Variants in CKAP5 observed in about 807,000 individuals in gnomAD.
The protein encoded by CKAP5 is cytoskeleton-associated protein 5.
In CKAP5, 27 loss-of-function variants were observed where a neutral mutation model predicts 232.8. That is an observed-to-expected ratio of 0.12 (90% CI 0.09 to 0.16). The LOEUF (loss-of-function observed/expected upper bound fraction) is 0.16. Ranked by LOEUF, CKAP5 falls within the 10% of genes least tolerant of loss-of-function variation. The pLI, the probability that CKAP5 is intolerant of heterozygous loss-of-function variation, is 1.00. For missense variants in CKAP5, 1,838 were observed against 2,424.7 expected (o/e 0.76, Z 5.08); for synonymous variants, 785 against 841.1 (o/e 0.93, Z 1.16).
chr11:46,762,881 A>T, intron 30 of CKAP5, 95 bp downstream of exon 30: 1 of 1,441,832 alleles, frequency 6.9e-7, no homozygotes. Context: ...AGGTACCGTG[A>T]TATAATCAGT....
At chr11:46,800,667 A>T (rs1346529411) in intron 9 of CKAP5, among the ~76,000 whole-genome samples, 1 of 152,246 alleles carries the variant, frequency 6.6e-6, no homozygotes, top group Non-Finnish European at 1.5e-5. Context: ...TTTTCTTTGA[A>T]TAAGTAAAAC....
intron 1 of CKAP5, among the ~76,000 whole-genome samples, chr11:46,838,024 A>G (rs1471177032): frequency 6.6e-6 from 1 of 151,994 alleles, no homozygotes; most frequent in African/African-American, 2.4e-5. Context: ...TTTCAGGTCA[A>G]TATGAACAGT....
Position 46,758,910 on chromosome 11 carries a change from G to A in CKAP5, c.4689+13C>T. On this transcript the variant is annotated intron_variant, in intron 35 of 43. Transcript: ENST00000529230. ...CACCAATGGAATCCCTGTCACGGGA[G>A]CACACCCATTACCTGTGTCAGAGCT... 1.5e-5 allele frequency: 24 copies of A among 1,613,322 alleles called. No homozygotes were observed. The highest frequency in any genetic ancestry group is 2.0e-5 in the Non-Finnish European group (24 of 1,179,658).
intron 8 of CKAP5, among the ~76,000 whole-genome samples, chr11:46,802,557 G>C (rs4264121): frequency 0.92 from 136,399 of 147,544 alleles, 63,511 homozygotes; most frequent in East Asian, 0.98. Context: ...CAGACAGACA[G>C]ACACACACAC....
chr11:46,845,933 GCCCGCGCCCCGCGGACGCTGCCA>G (rs1039217304), intron 1 of CKAP5, among the ~76,000 whole-genome samples: 95 of 151,816 alleles, frequency 6.3e-4, no homozygotes, highest in African/African-American at 2.1e-3. Flanking sequence ...GCCCTGCACC[GCCCGCGCCCCGCGGACGCTGCCA>G]CCCGCGCCAC....
intron 1 of CKAP5, among the ~76,000 whole-genome samples, chr11:46,822,110 C>T (rs755762777): frequency 1.3e-5 from 2 of 151,744 alleles, no homozygotes; most frequent in Non-Finnish European, 2.9e-5. Flanking sequence ...GGAACCCCAT[C>T]TATACTAAAA....
At position 46,759,272 on chromosome 11, in the gene CKAP5, G is replaced by A. The variant is rs2065137001; in HGVS notation, c.4565C>T (p.Pro1522Leu). The change falls in exon 34 of 44, where the codon CCC (proline) becomes CTC (leucine). Residue 1522 changes from proline to leucine, a missense_variant. Pro to Leu is a moderately conservative substitution (Grantham distance 98). Coordinates refer to ENST00000529230, the MANE Select transcript of CKAP5 (RefSeq NM_001008938.4). ...TAAATGAAAGAGTTTAACTCACTTG[G>A]GTTCAGGAATAAGGACTGGCTCAAA... is the stretch of plus-strand genomic sequence containing the variant. ...DIFEPVLIPE[P>L]KIRAVSPHFD... The A allele has an allele frequency of 6.2e-7, 1 of 1,611,860 alleles. No homozygotes were observed. Among genetic ancestry groups the A allele is most frequent in the African/African-American group, 1.3e-5 (1 of 74,818 alleles).
intron 40 of CKAP5, among the ~76,000 whole-genome samples, chr11:46,750,859 A>G (rs1196618918): frequency 6.6e-6 from 1 of 152,224 alleles, no homozygotes; most frequent in Admixed American, 6.5e-5. Context: ...TTCCATGTTA[A>G]GCAGAACTAG....
intron 38 of CKAP5, among the ~76,000 whole-genome samples, 162 bp from the exon 39 acceptor site, chr11:46,751,696 T>G (rs2065065833): frequency 6.6e-6 from 1 of 152,180 alleles, no homozygotes; most frequent in Non-Finnish European, 1.5e-5. Flanking sequence ...ATGAAAATTT[T>G]TAATCACTTC....
chr11:46,791,371 A>T (rs549222995), intron 13 of CKAP5, among the ~76,000 whole-genome samples: 22 of 124,828 alleles, frequency 1.8e-4, no homozygotes, highest in African/African-American at 6.0e-4. Flanking sequence ...CATCTCAAGC[A>T]GCCCTCCCAT....
chr11:46,753,040 G>C, intron 37 of CKAP5: 1 of 438,984 alleles, frequency 2.3e-6, no homozygotes, highest in South Asian at 4.9e-5. Flanking sequence ...ATATTGGCTG[G>C]CTAACTAAGT....
intron 18 of CKAP5, among the ~76,000 whole-genome samples, chr11:46,782,459 A>G (rs1197743919): frequency 1.3e-5 from 2 of 152,252 alleles, no homozygotes; most frequent in Non-Finnish European, 2.9e-5. Flanking sequence ...AGATAATAAC[A>G]TAACAAACCG....
intron 1 of CKAP5, among the ~76,000 whole-genome samples, chr11:46,835,898 T>C (rs907745135): frequency 1.3e-5 from 2 of 152,214 alleles, no homozygotes; most frequent in African/African-American, 4.8e-5. Context: ...ATGGTTAATA[T>C]CACTAATGAT....
chr11:46,747,396 G>A (rs1286114347), intron 42 of CKAP5, among the ~76,000 whole-genome samples: 1 of 152,028 alleles, frequency 6.6e-6, no homozygotes, highest in Non-Finnish European at 1.5e-5. Flanking sequence ...GAGGTCAGGA[G>A]TTGGAGACCA....
intron 1 of CKAP5, among the ~76,000 whole-genome samples, chr11:46,822,155 C>T (rs937958282): frequency 6.6e-6 from 1 of 151,992 alleles, no homozygotes; most frequent in South Asian, 2.1e-4. Context: ...GGTGTGTGTG[C>T]CTGTAGTCCC....
intron 8 of CKAP5, among the ~76,000 whole-genome samples, chr11:46,805,020 G>T (rs1048952036): frequency 3.1e-4 from 47 of 151,612 alleles, no homozygotes; most frequent in African/African-American, 1.1e-3. Flanking sequence ...CAAATCACTT[G>T]AGGACAGGAG....
At chr11:46,797,035 G>T in intron 11 of CKAP5, 95 bp from the exon 12 acceptor site, 1 of 1,395,724 alleles carries the variant, frequency 7.2e-7, no homozygotes, top group Non-Finnish European at 9.9e-7. Context: ...TAAAGAATTT[G>T]CTTTTTACAA....
chr11:46,829,165 G>A (rs1185609140), intron 1 of CKAP5, among the ~76,000 whole-genome samples: 1 of 152,038 alleles, frequency 6.6e-6, no homozygotes, highest in African/African-American at 2.4e-5. Context: ...TGAACTGCAC[G>A]GGTTGACTTG....
chr11:46,822,980 G>C (rs1445856079), intron 1 of CKAP5, among the ~76,000 whole-genome samples: 1 of 151,376 alleles, frequency 6.6e-6, no homozygotes, highest in Non-Finnish European at 1.5e-5. Flanking sequence ...TTTTTTTTGA[G>C]ACAGCGTCTT....
Sources: gnomAD v4.1 joint callset for allele counts (sites outside exome capture counted in the v4.1 genomes callset) on GRCh38, gnomAD v4.1.1 for gene constraint, MANE v1.5 for transcripts, NCBI Gene and HGNC (gene_info 2026-07-23, HGNC 2026-07-21) for gene names.